Variants in CPXM2 observed in about 807,000 individuals in gnomAD.
CPXM2 encodes the protein inactive carboxypeptidase-like protein X2.
In CPXM2, 66 loss-of-function variants were observed where a neutral mutation model predicts 86.1. The observed-to-expected ratio is 0.77, with a 90% CI of 0.63 to 0.94. The LOEUF is 0.94. Ranked by LOEUF, CPXM2 falls within the 40% of genes least tolerant of loss-of-function variation. The pLI is 0.00. For synonymous variants in CPXM2, 388 were observed against 400.2 expected (o/e 0.97, Z 0.36); for missense variants, 948 against 1,026.3 (o/e 0.92, Z 1.04).
At chr10:123,850,127 A>C (rs1340242716) in intron 3 of CPXM2, among the ~76,000 whole-genome samples, 1 of 152,196 alleles carries the variant, frequency 6.6e-6, no homozygotes, top group Non-Finnish European at 1.5e-5. Context: ...AGTCCTTTTA[A>C]CTGTCATATA....
intron 3 of CPXM2, among the ~76,000 whole-genome samples, chr10:123,849,429 C>T (rs930300626): frequency 1.3e-5 from 2 of 148,438 alleles, no homozygotes; most frequent in South Asian, 2.1e-4. Context: ...ATATTCTTAA[C>T]GTTCACTCTT....
chr10:123,799,222 T>C (rs1204387877), intron 4 of CPXM2, 23 bp from the exon 5 acceptor site: 2 of 1,612,718 alleles, frequency 1.2e-6, no homozygotes, highest in Non-Finnish European at 1.7e-6. Context: ...AAAACATCAT[T>C]AGGACTACAC....
At chr10:123,897,013 A>G (rs1324059841) in intron 2 of CPXM2, among the ~76,000 whole-genome samples, 1 of 152,046 alleles carries the variant, frequency 6.6e-6, no homozygotes, top group Non-Finnish European at 1.5e-5. Flanking sequence ...TAGGAAGGTG[A>G]GGAGAAAGGG....
intron 6 of CPXM2, among the ~76,000 whole-genome samples, chr10:123,796,404 TA>T (rs1427124958): frequency 2.0e-5 from 3 of 152,132 alleles, no homozygotes; most frequent in Non-Finnish European, 4.4e-5. Flanking sequence ...TTCCACGGGC[TA>T]GGGGAGAAGC....
At chr10:123,820,489 G>GT (rs1299963929) in intron 4 of CPXM2, among the ~76,000 whole-genome samples, 1 of 152,198 alleles carries the variant, frequency 6.6e-6, no homozygotes, top group Non-Finnish European at 1.5e-5. Context: ...CTGGACTCTT[G>GT]TTTTGGCCTA....
At chr10:123,804,691 G>A (rs114202500) in intron 4 of CPXM2, among the ~76,000 whole-genome samples, 1 of 149,998 alleles carries the variant, frequency 6.7e-6, no homozygotes, top group African/African-American at 2.5e-5. Flanking sequence ...TCTTCTTCTT[G>A]TCTTATTATA....
At chr10:123,889,372 C>T (rs888172117) in intron 1 of CPXM2, among the ~76,000 whole-genome samples, 5 of 151,224 alleles carry the variant, frequency 3.3e-5, no homozygotes, top group African/African-American at 4.9e-5. Context: ...GCTCCCCCAG[C>T]TTGTTTGTTA....
chr10:123,844,995 G>T (rs1196916883), intron 3 of CPXM2, among the ~76,000 whole-genome samples: 2 of 151,496 alleles, frequency 1.3e-5, no homozygotes, highest in Non-Finnish European at 2.9e-5. Flanking sequence ...TTGAACCGGG[G>T]GGCAGAGGCT....
intron 3 of CPXM2, among the ~76,000 whole-genome samples, chr10:123,860,501 T>C (rs1158287665): frequency 6.6e-6 from 1 of 152,230 alleles, no homozygotes; most frequent in Non-Finnish European, 1.5e-5. Context: ...ACCTTCCCAT[T>C]CAACCCCAAC....
intron 2 of CPXM2, among the ~76,000 whole-genome samples, 158 bp from the exon 3 acceptor site, chr10:123,862,881 T>A (rs1848885387): frequency 6.6e-6 from 1 of 152,230 alleles, no homozygotes; most frequent in Non-Finnish European, 1.5e-5. Context: ...ACTGTCAACA[T>A]TAAGCCAATG....
chr10:123,867,568 T>G (rs1315630177), intron 2 of CPXM2, among the ~76,000 whole-genome samples: 2 of 148,388 alleles, frequency 1.3e-5, no homozygotes, highest in Admixed American at 6.7e-5. Flanking sequence ...AGTTTCACTC[T>G]TGTCACCCAG....
chr10:123,834,197 C>T (rs1333004936), intron 4 of CPXM2, among the ~76,000 whole-genome samples: 3 of 152,190 alleles, frequency 2.0e-5, no homozygotes, highest in African/African-American at 4.8e-5. Context: ...TGCATCCCCA[C>T]AGGACGTCCA....
chr10:123,892,551 G>C (rs557466098), upstream of CPXM2, among the ~76,000 whole-genome samples: 1 of 152,316 alleles, frequency 6.6e-6, no homozygotes, highest in East Asian at 1.9e-4. Context: ...TCTCCAGGCG[G>C]GGATGTGGGG....
Position 123,799,190 on chromosome 10 carries a change from C to G in CPXM2, c.663G>C (p.Trp221Cys). 1 of 1,614,052 alleles carries G rather than the reference C, an allele frequency of 6.2e-7. No individual in the cohort carries two copies. Among genetic ancestry groups the G allele is most frequent in the Non-Finnish European group, 8.5e-7 (1 of 1,180,004 alleles). ...QGRNSLWLSD[W>C]VTSYKVMVSN... ...TCACCATGACCTTATAGGATGTCAC[C>G]CAGTCACTCCTATGAGAAAATAAAA... Residue 221 changes from tryptophan to cysteine, a missense_variant, in exon 5 of 14, where the codon TGG becomes TGC. Trp to Cys is a radical substitution (Grantham distance 215). Transcript: ENST00000241305.
At position 123,776,105 on chromosome 10, in the gene CPXM2, A is replaced by C. The variant is rs528661767; in HGVS notation, c.978+4062T>G. Among the ~76,000 whole-genome samples, 7 of 152,314 alleles carry C rather than the reference A, an allele frequency of 4.6e-5. No homozygotes were observed. In the South Asian group the frequency reaches 1.5e-3, roughly 32 times the overall value. On this transcript the variant is annotated intron_variant, in intron 7 of 13. Coordinates refer to ENST00000241305, the MANE Select transcript of CPXM2 (RefSeq NM_198148.3). ...GGGATGACATCACCCCAAGGGACTG[A>C]AAACTGTGGCTAAAAAAGTCTTAGG... is the stretch of plus-strand genomic sequence containing the variant.
intron 6 of CPXM2, among the ~76,000 whole-genome samples, chr10:123,794,498 A>G (rs1847280867): frequency 6.6e-6 from 1 of 152,170 alleles, no homozygotes; most frequent in Admixed American, 6.5e-5. Context: ...GCTGTTTGCA[A>G]CAGCAAAATC....
chr10:123,912,148 G>A (rs535125325), intron 2 of CPXM2, among the ~76,000 whole-genome samples: 9 of 152,074 alleles, frequency 5.9e-5, no homozygotes, highest in Middle Eastern at 6.8e-3. Context: ...AGGAAGCTGC[G>A]GATCGGTTTC....
intron 2 of CPXM2, among the ~76,000 whole-genome samples, chr10:123,926,739 A>T (rs1245384177): frequency 6.6e-6 from 1 of 152,210 alleles, no homozygotes; most frequent in Non-Finnish European, 1.5e-5. Context: ...TATTGCAATC[A>T]TGAGGACTAA....
intron 8 of CPXM2, 52 bp downstream of exon 8, chr10:123,770,864 A>C: frequency 6.4e-7 from 1 of 1,570,316 alleles, no homozygotes; most frequent in Non-Finnish European, 8.6e-7. Context: ...CTAACTGTTT[A>C]CATGAGTACC....
Sources: gnomAD v4.1 joint callset for allele counts (sites outside exome capture counted in the v4.1 genomes callset) on GRCh38, gnomAD v4.1.1 for gene constraint, MANE v1.5 for transcripts, NCBI Gene and HGNC (gene_info 2026-07-23, HGNC 2026-07-21) for gene names.